The following FRMD5 variants were observed in gnomAD, a reference collection of about 807,000 sequenced individuals.
FRMD5 encodes the protein FERM domain containing 5.
Under a neutral mutation model 69.0 loss-of-function variants are expected in FRMD5, and 20 were observed. That is an observed-to-expected ratio of 0.29 (90% CI 0.20 to 0.42). FRMD5 has a LOEUF of 0.42. Among genes scored for constraint, FRMD5 ranks in the 10% least tolerant of loss-of-function variants. FRMD5 has a pLI of 1.00. For missense variants in FRMD5, 595 were observed against 708.6 expected, an observed-to-expected ratio of 0.84 and a Z score of 1.82; for synonymous variants, 271 against 260.1, an observed-to-expected ratio of 1.04 and a Z score of -0.40.
At chr15:43,963,057 G>C (rs1301926806) in intron 1 of FRMD5, among the ~76,000 whole-genome samples, 16 of 152,130 alleles carry the variant, frequency 1.1e-4, no homozygotes, top group Non-Finnish European at 1.6e-4. Context: ...TTGACAAATG[G>C]GATCTAATTA....
chr15:44,047,448 C>T (rs1258153675), intron 1 of FRMD5, among the ~76,000 whole-genome samples: 1 of 152,030 alleles, frequency 6.6e-6, no homozygotes, highest in Non-Finnish European at 1.5e-5. Context: ...CTTAATGTTC[C>T]TAGGCCTGTG....
intron 1 of FRMD5, among the ~76,000 whole-genome samples, chr15:44,140,757 C>T (rs553283478): frequency 2.4e-3 from 367 of 151,498 alleles, no homozygotes; most frequent in Non-Finnish European, 4.1e-3. Flanking sequence ...GTGGCACGTG[C>T]CTGTGGTCCC....
rs2088231399 is a variant in FRMD5, at chr15:43,873,784, T to C, written c.*101A>G. The stretch of plus-strand genomic sequence containing the variant: ...GACTTTGAGTCATGAGAGGAGGACT[T>C]GGTATATGTGCCGATGGTTCCGCGA... On this transcript the variant is annotated 3_prime_UTR_variant, in exon 14 of 14. Transcript: ENST00000417257. The C allele has an allele frequency of 6.5e-7, 1 of 1,541,494 alleles. No homozygotes were observed. The highest frequency in any genetic ancestry group is 2.1e-5 in the Admixed American group (1 of 48,518).
chr15:43,911,437 T>C (rs552008705), intron 4 of FRMD5, among the ~76,000 whole-genome samples: 1 of 152,222 alleles, frequency 6.6e-6, no homozygotes, highest in Middle Eastern at 3.2e-3. Context: ...CTGGGGCCTT[T>C]GCCAACAGCC....
intron 1 of FRMD5, among the ~76,000 whole-genome samples, chr15:44,132,812 C>T (rs560586413): frequency 4.6e-5 from 7 of 151,444 alleles, no homozygotes; most frequent in Non-Finnish European, 1.0e-4. Flanking sequence ...GGCTGGAGTA[C>T]AGTGACACAA....
chr15:43,914,861 G>A (rs1009950103), intron 4 of FRMD5, among the ~76,000 whole-genome samples: 1 of 151,664 alleles, frequency 6.6e-6, no homozygotes, highest in Non-Finnish European at 1.5e-5. Context: ...GAGTAGCAGG[G>A]ATTACAGGCA....
chr15:43,896,602 A>G lies in FRMD5; in HGVS notation c.640-4533T>C, dbSNP rs996738421. Among the ~76,000 whole-genome samples the G allele has an allele frequency of 2.6e-5, 4 of 152,284 alleles. No homozygotes were observed. In the South Asian group the frequency reaches 6.2e-4, roughly 24 times the overall value. ...AGGATTCTTGCAAATCAAAGCATTG[A>G]CTGGTTCAGAAGCAGGAACATCTGG... On this transcript the variant is annotated intron_variant, in intron 7 of 13. Coordinates refer to ENST00000417257, the MANE Select transcript of FRMD5 (RefSeq NM_032892.5).
At chr15:44,028,301 G>A (rs1184825942) in intron 1 of FRMD5, among the ~76,000 whole-genome samples, 2 of 152,182 alleles carry the variant, frequency 1.3e-5, no homozygotes, top group Non-Finnish European at 2.9e-5. Flanking sequence ...GGCAAGAGAA[G>A]GATATAATGT....
chr15:44,086,745 T>C lies in FRMD5; in HGVS notation c.102+108208A>G, dbSNP rs752537714. ...ACCACAATTTTTAAAAGGTGAATAT[T>C]GGCCTACTGATAGAGTACTTCCATG... On this transcript the variant is annotated intron_variant, in intron 1 of 13. Transcript: ENST00000417257. 1.6e-4 allele frequency among the ~76,000 whole-genome samples: 25 copies of C among 152,308 alleles called. 1 individual carries two copies. Among genetic ancestry groups the C allele is most frequent in the Non-Finnish European group, 2.5e-4 (17 of 68,020 alleles).
At chr15:44,158,491 A>G (rs1956496324) in intron 1 of FRMD5, among the ~76,000 whole-genome samples, 3 of 152,210 alleles carry the variant, frequency 2.0e-5, no homozygotes, top group Non-Finnish European at 4.4e-5. Context: ...CTGGATATTT[A>G]AGACCACATA....
intron 4 of FRMD5, chr15:43,919,216 T>C (rs1283826837): frequency 3.1e-6 from 2 of 646,256 alleles, no homozygotes; most frequent in East Asian, 3.2e-5. Flanking sequence ...CCTTTGAGAG[T>C]GACCAGTTCA....
chr15:43,933,315 C>T (rs757817934), intron 1 of FRMD5, among the ~76,000 whole-genome samples: 2 of 152,202 alleles, frequency 1.3e-5, no homozygotes, highest in Non-Finnish European at 2.9e-5. Flanking sequence ...TAATAAACAG[C>T]AAATTAGGAA....
intron 1 of FRMD5, among the ~76,000 whole-genome samples, chr15:44,080,539 A>C (rs537765986): frequency 6.6e-6 from 1 of 152,250 alleles, no homozygotes; most frequent in South Asian, 2.1e-4. Flanking sequence ...TTGACTACTC[A>C]GATCTGGGGC....
chr15:44,193,501 C>G (rs537580287), intron 1 of FRMD5, among the ~76,000 whole-genome samples: 3 of 152,202 alleles, frequency 2.0e-5, no homozygotes, highest in Non-Finnish European at 4.4e-5. Context: ...TCCACTCATT[C>G]AGCAAGGAAA....
chr15:44,050,099 G>C (rs544621435), intron 1 of FRMD5, among the ~76,000 whole-genome samples: 85 of 152,202 alleles, frequency 5.6e-4, no homozygotes, highest in Non-Finnish European at 1.0e-3. Flanking sequence ...AGGAACACCA[G>C]AAGATTAATA....
At chr15:43,893,870 A>G (rs1687002058) in intron 7 of FRMD5, among the ~76,000 whole-genome samples, 1 of 152,188 alleles carries the variant, frequency 6.6e-6, no homozygotes, top group Non-Finnish European at 1.5e-5. Context: ...TTTTGCCTTA[A>G]AACTATCTCT....
chr15:44,074,958 C>T (rs1356660736), intron 1 of FRMD5, among the ~76,000 whole-genome samples: 1 of 152,092 alleles, frequency 6.6e-6, no homozygotes. Context: ...CATTGGGGTC[C>T]CTCTGAGCTA....
In FRMD5 at chr15:43,992,343, C is replaced by CT. The variant is rs5812259; in HGVS notation, c.103-68035dup. 2.7e-3 allele frequency among the ~76,000 whole-genome samples: 360 copies of CT among 134,954 alleles called. 2 individuals carry two copies. Among genetic ancestry groups the CT allele is most frequent in the African/African-American group, 9.2e-3 (340 of 37,014 alleles). 88.5% of individuals were successfully genotyped at this position (134,954 alleles called of 152,430 possible). A position where few individuals can be genotyped will look rare whatever the true frequency, so the allele number is the denominator to read the frequency against. On this transcript the variant is annotated intron_variant, in intron 1 of 13. Transcript: ENST00000417257. ...TTTACTGATGAGAAGGTTGTAAATT[C>CT]TTTTTTTTTTTTTTTGCAAGGGACT... is the stretch of plus-strand genomic sequence containing the variant.
In FRMD5 at chr15:43,909,762, G is replaced by A. The variant is rs925121660; in HGVS notation, c.427+120C>T. 19 of 602,844 alleles carry A rather than the reference G, an allele frequency of 3.2e-5. No individual in the cohort carries two copies. In the East Asian group the frequency reaches 5.6e-4, roughly 18 times the overall value. The allele number at this position is 602,844 out of a possible 1,614,324, so 37.3% of individuals were successfully genotyped here. ...CCCAAAGTGCTAGGACTACAAGCGT[G>A]AGCCACAGCACCTGGCCTAGATAAT... On this transcript the variant is annotated intron_variant, in intron 5 of 13. Transcript: ENST00000417257.
Sources: allele counts gnomAD v4.1 joint callset (sites outside exome capture counted in the v4.1 genomes callset), GRCh38; gene constraint gnomAD v4.1.1; transcripts MANE v1.5; gene names NCBI Gene and HGNC (gene_info 2026-07-23, HGNC 2026-07-21).